The following TENM3 variants were observed in gnomAD, a reference collection of about 807,000 sequenced individuals.
TENM3 encodes the protein teneurin transmembrane protein 3.
Under a neutral mutation model 255.1 loss-of-function variants are expected in TENM3, and 63 were observed. That is an observed-to-expected ratio of 0.25 (90% confidence interval 0.20 to 0.30). The LOEUF is 0.30. Ranked by LOEUF, TENM3 falls within the 10% of genes least tolerant of loss-of-function variation. The pLI is 1.00. For missense variants in TENM3, 2,929 were observed against 3,461.1 expected, an observed-to-expected ratio of 0.85 and a Z score of 3.86; for synonymous variants, 1,306 against 1,322.3, an observed-to-expected ratio of 0.99 and a Z score of 0.27.
chr4:181,785,881 A>G, the TENM3 span, among the ~76,000 whole-genome samples: 1 of 152,098 alleles, frequency 6.6e-6, no homozygotes. Context: ...GAATAGTCTC[A>G]CAGTGTCTTA....
chr4:181,537,118 C>T, the TENM3 span, among the ~76,000 whole-genome samples: 1 of 152,062 alleles, frequency 6.6e-6, no homozygotes, highest in South Asian at 2.1e-4. Context: ...ACCTCACCCT[C>T]CTTTAAAAAA....
the TENM3 span, among the ~76,000 whole-genome samples, chr4:182,051,441 T>C: frequency 6.7e-6 from 1 of 148,604 alleles, no homozygotes; most frequent in African/African-American, 2.5e-5. Flanking sequence ...GCAGTGGCGC[T>C]ATCTCGCCTC....
the TENM3 span, among the ~76,000 whole-genome samples, chr4:182,060,624 G>C: frequency 1.3e-5 from 2 of 152,072 alleles, no homozygotes; most frequent in African/African-American, 4.8e-5. Flanking sequence ...CCGGTCTATG[G>C]GTTACCTAGA....
the TENM3 span, among the ~76,000 whole-genome samples, chr4:181,539,330 T>C: frequency 6.6e-6 from 1 of 152,238 alleles, no homozygotes; most frequent in Non-Finnish European, 1.5e-5. Context: ...TTAAATTTAC[T>C]TGATATGGTT....
chr4:182,456,176 A>G lies in TENM3; in HGVS notation c.511+109247A>G, dbSNP rs149933827. Among the ~76,000 whole-genome samples the G allele has an allele frequency of 4.4e-3, 672 of 152,350 alleles. 5 individuals are homozygous for G. Among genetic ancestry groups the G allele is most frequent in the African/African-American group, 0.016 (648 of 41,578 alleles). On this transcript the variant is annotated intron_variant, in intron 3 of 27. Transcript: ENST00000511685. The stretch of plus-strand genomic sequence containing the variant: ...TTATTTTATTGTTCTGTGTGAAAAT[A>G]TAATGGCTTACATAGGAGCTGATAA...
At chr4:181,694,724 A>T in the TENM3 span, among the ~76,000 whole-genome samples, 1 of 152,222 alleles carries the variant, frequency 6.6e-6, no homozygotes, top group Non-Finnish European at 1.5e-5. Context: ...CCCGGAATGG[A>T]ATACACAGAG....
chr4:182,624,983 G>A (rs998391248), intron 4 of TENM3, among the ~76,000 whole-genome samples: 1 of 152,164 alleles, frequency 6.6e-6, no homozygotes, highest in Non-Finnish European at 1.5e-5. Context: ...AAGTAGTAAC[G>A]TCTGAGCTGA....
At chr4:181,666,700 T>G in the TENM3 span, among the ~76,000 whole-genome samples, 3 of 151,958 alleles carry the variant, frequency 2.0e-5, no homozygotes, top group Non-Finnish European at 4.4e-5. Context: ...GACCAAAAAT[T>G]TTTTTTTTCT....
chr4:182,116,564 C>T, the TENM3 span, among the ~76,000 whole-genome samples: 11 of 152,248 alleles, frequency 7.2e-5, 1 homozygote, highest in African/African-American at 2.6e-4. Flanking sequence ...TCCTGCTGCC[C>T]TGTGAAGAGG....
intron 3 of TENM3, among the ~76,000 whole-genome samples, chr4:182,402,342 CAG>C (rs1290347507): frequency 6.6e-6 from 1 of 152,168 alleles, no homozygotes; most frequent in Admixed American, 6.6e-5. Context: ...TGAATTCCCT[CAG>C]TGACTTTTGT....
chr4:182,463,616 G>A (rs956995750), intron 3 of TENM3, among the ~76,000 whole-genome samples: 2 of 146,244 alleles, frequency 1.4e-5, no homozygotes, highest in Non-Finnish European at 3.0e-5. Context: ...CTGCCACTGC[G>A]CCTGGCTAAT....
the TENM3 span, among the ~76,000 whole-genome samples, chr4:182,098,136 T>G: frequency 6.6e-6 from 1 of 152,148 alleles, no homozygotes; most frequent in Non-Finnish European, 1.5e-5. Flanking sequence ...CAGTGAGATA[T>G]TATCCCATTC....
chr4:182,716,117 C>T (rs1759141830), intron 13 of TENM3, among the ~76,000 whole-genome samples: 1 of 152,142 alleles, frequency 6.6e-6, no homozygotes, highest in South Asian at 2.1e-4. Flanking sequence ...GTTACTTTCC[C>T]CCAAAGAACC....
the TENM3 span, among the ~76,000 whole-genome samples, chr4:181,480,360 A>G: frequency 2.6e-5 from 4 of 152,156 alleles, no homozygotes; most frequent in Admixed American, 2.6e-4. Flanking sequence ...GTGTTGTAAA[A>G]AACTAAATTT....
At chr4:181,781,510 G>T in the TENM3 span, among the ~76,000 whole-genome samples, 6 of 152,162 alleles carry the variant, frequency 3.9e-5, no homozygotes, top group Non-Finnish European at 7.3e-5. Flanking sequence ...AGCTTAAAGA[G>T]ATTTGGGGCT....
At chr4:182,602,788 A>AT (rs1748029777) in intron 4 of TENM3, among the ~76,000 whole-genome samples, 1 of 152,212 alleles carries the variant, frequency 6.6e-6, no homozygotes, top group Non-Finnish European at 1.5e-5. Context: ...CACACACTGA[A>AT]CAGCTAATCA....
intron 1 of TENM3, chr4:182,144,781 C>A (rs1749803129): frequency 6.7e-6 from 1 of 149,832 alleles, no homozygotes; most frequent in Admixed American, 6.6e-5. Context: ...CGCCGGCGCG[C>A]CCTCCTTCCT....
chr4:182,527,177 T>C (rs925182832), intron 3 of TENM3, among the ~76,000 whole-genome samples: 3 of 152,228 alleles, frequency 2.0e-5, no homozygotes, highest in Non-Finnish European at 4.4e-5. Context: ...AATAAAAAGT[T>C]AGGCAACAGC....
At chr4:181,974,720 A>C in the TENM3 span, among the ~76,000 whole-genome samples, 2 of 152,204 alleles carry the variant, frequency 1.3e-5, no homozygotes, top group Non-Finnish European at 2.9e-5. Context: ...AGTGGAATAC[A>C]TTTACTACCA....
Sources: gnomAD v4.1 joint callset for allele counts (sites outside exome capture counted in the v4.1 genomes callset) on GRCh38, gnomAD v4.1.1 for gene constraint, MANE v1.5 for transcripts, NCBI Gene and HGNC (gene_info 2026-07-23, HGNC 2026-07-21) for gene names.